ATP1B3: variants seen among roughly 807,000 people sequenced by gnomAD.
ATP1B3 encodes sodium/potassium-transporting ATPase subunit beta-3.
ATP1B3 carries 10 observed loss-of-function variants against 30.2 expected under a neutral mutation model. That is an observed-to-expected ratio of 0.33 (90% confidence interval 0.20 to 0.56). ATP1B3 has a LOEUF of 0.56. ATP1B3 is among the 20% of genes least tolerant of loss of function. ATP1B3 has a pLI of 0.90. For missense variants in ATP1B3, 238 were observed against 336.7 expected, an observed-to-expected ratio of 0.71 and a Z score of 2.29; for synonymous variants, 113 against 117.0, an observed-to-expected ratio of 0.97 and a Z score of 0.22.
At chr3:141,925,221 C>T (rs1056944834) in intron 6 of ATP1B3, among the ~76,000 whole-genome samples, 1 of 152,026 alleles carries the variant, frequency 6.6e-6, no homozygotes, top group South Asian at 2.1e-4. Flanking sequence ...AATCCCAGCA[C>T]TTTGGGAGGG....
chr3:141,878,866 A>G (rs1021688972), intron 1 of ATP1B3, among the ~76,000 whole-genome samples: 7 of 152,194 alleles, frequency 4.6e-5, no homozygotes, highest in African/African-American at 1.7e-4. Context: ...GTATCCCTCT[A>G]AGGATATGTG....
At chr3:141,909,406 A>G (rs1576397603) in intron 3 of ATP1B3, among the ~76,000 whole-genome samples, 1 of 152,310 alleles carries the variant, frequency 6.6e-6, no homozygotes, top group African/African-American at 2.4e-5. Flanking sequence ...GAATTAGAAG[A>G]TAGTACATCC....
chr3:141,919,406 C>T (rs1176451967), intron 5 of ATP1B3, among the ~76,000 whole-genome samples: 4 of 152,050 alleles, frequency 2.6e-5, no homozygotes, highest in Admixed American at 6.6e-5. Flanking sequence ...TGTGAACCAC[C>T]GCAGATGGCC....
rs146684460 is a variant in ATP1B3, at chr3:141,885,880, AACACACACACAC to A, written c.109+9003_109+9014del. Among the ~76,000 whole-genome samples, 632 of 141,738 alleles carry A rather than the reference AACACACACACAC, an allele frequency of 4.5e-3. 7 individuals are homozygous for A. The highest frequency in any genetic ancestry group is 0.038 in the South Asian group (163 of 4,296). 93.0% of individuals were successfully genotyped at this position (141,738 alleles called of 152,430 possible). A position where few individuals can be genotyped will look rare whatever the true frequency, so the allele number is the denominator to read the frequency against. On this transcript the variant is annotated intron_variant, in intron 1 of 6. Transcript: ENST00000286371. ...TTCCAGCTTTTATCTGCTGCGTTAA[AACACACACACAC>A]ACACACACACACACACACACACACA... is the stretch of plus-strand genomic sequence containing the variant.
intron 6 of ATP1B3, 26 bp downstream of exon 6, chr3:141,922,089 G>T (rs765611620): frequency 5.8e-6 from 8 of 1,371,470 alleles, no homozygotes; most frequent in Admixed American, 4.1e-5. Flanking sequence ...TTCTTATGTG[G>T]TGATTACTCT....
intron 5 of ATP1B3, chr3:141,921,774 C>T (rs1056768684): frequency 2.0e-5 from 8 of 401,482 alleles, no homozygotes; most frequent in Non-Finnish European, 3.6e-5. Flanking sequence ...CAGGATAGTT[C>T]ATGTGGAAGG....
intron 1 of ATP1B3, among the ~76,000 whole-genome samples, chr3:141,890,142 G>A (rs1933917740): frequency 7.2e-6 from 1 of 138,510 alleles, no homozygotes; most frequent in Non-Finnish European, 1.5e-5. Context: ...CCTGGCTGGA[G>A]TGCAGTGGCA....
intron 3 of ATP1B3, among the ~76,000 whole-genome samples, chr3:141,912,298 G>A (rs1319127906): frequency 2.0e-5 from 3 of 151,398 alleles, no homozygotes; most frequent in Non-Finnish European, 4.4e-5. Context: ...TATTTGAGAT[G>A]GAGCCTCACT....
intron 4 of ATP1B3, among the ~76,000 whole-genome samples, chr3:141,915,591 C>T (rs950786048): frequency 1.3e-5 from 2 of 152,068 alleles, no homozygotes; most frequent in Non-Finnish European, 2.9e-5. Context: ...TTGTGAAGAA[C>T]AGTTAATTAT....
intron 6 of ATP1B3, among the ~76,000 whole-genome samples, chr3:141,923,557 T>A (rs1045059099): frequency 1.3e-5 from 2 of 152,224 alleles, no homozygotes; most frequent in Non-Finnish European, 2.9e-5. Flanking sequence ...TATTGTGTTA[T>A]AAGCAACAGA....
intron 1 of ATP1B3, among the ~76,000 whole-genome samples, chr3:141,898,717 G>C (rs572161399): frequency 3.6e-4 from 55 of 152,280 alleles, no homozygotes; most frequent in Non-Finnish European, 7.1e-4. Flanking sequence ...ATATGACCTA[G>C]CAGTTTGACT....
chr3:141,887,813 A>ATCAC (rs1364896191), intron 1 of ATP1B3, among the ~76,000 whole-genome samples: 2 of 152,228 alleles, frequency 1.3e-5, no homozygotes, highest in Admixed American at 1.3e-4. Context: ...AGTACATACT[A>ATCAC]TATGGTTTTA....
intron 1 of ATP1B3, among the ~76,000 whole-genome samples, chr3:141,890,077 A>G (rs1160356928): frequency 8.4e-6 from 1 of 118,766 alleles, no homozygotes; most frequent in Admixed American, 9.0e-5. Flanking sequence ...CTGTAATCTA[A>G]TTTTTTTTCT....
chr3:141,877,966 T>G (rs771550820), intron 1 of ATP1B3, among the ~76,000 whole-genome samples: 22 of 152,202 alleles, frequency 1.4e-4, no homozygotes, highest in Non-Finnish European at 5.9e-5. Context: ...TAGAACTATT[T>G]GGGCACAACA....
intron 5 of ATP1B3, chr3:141,916,519 C>G (rs1319921894): frequency 7.8e-7 from 1 of 1,280,800 alleles, no homozygotes; most frequent in South Asian, 1.2e-5. Context: ...TCATAACTTT[C>G]TTTTGTTTTC....
chr3:141,906,327 G>A (rs987533294), intron 2 of ATP1B3, among the ~76,000 whole-genome samples: 29 of 152,094 alleles, frequency 1.9e-4, no homozygotes, highest in African/African-American at 6.3e-4. Context: ...CTACAGGCAT[G>A]CACCACCACA....
At chr3:141,892,673 A>C (rs1043585150) in intron 1 of ATP1B3, among the ~76,000 whole-genome samples, 1 of 151,010 alleles carries the variant, frequency 6.6e-6, no homozygotes, top group African/African-American at 2.4e-5. Flanking sequence ...AAAAAAAAAA[A>C]AAACAGTTAT....
At position 141,915,675 on chromosome 3, in the gene ATP1B3, TTCTG is replaced by T. The variant is rs1196652446; in HGVS notation, c.532-289_532-286del. Among the ~76,000 whole-genome samples the T allele has an allele frequency of 1.1e-4, 16 of 152,354 alleles. No individual in the cohort carries two copies. In the South Asian group the frequency reaches 3.1e-3, roughly 30 times the overall value. On this transcript the variant is annotated intron_variant, in intron 4 of 6. Transcript: ENST00000286371. ...AATATTAATAATTAGATTTAAGGGT[TTCTG>T]TCTGTTTCATATTTTAAGGGTAGCA...
chr3:141,886,562 T>C (rs1933838320), intron 1 of ATP1B3, among the ~76,000 whole-genome samples: 1 of 152,234 alleles, frequency 6.6e-6, no homozygotes, highest in Admixed American at 6.5e-5. Context: ...GGTAGGTTTA[T>C]ATATTTTTAC....
Sources: gnomAD v4.1 joint callset for allele counts (sites outside exome capture counted in the v4.1 genomes callset) on GRCh38, gnomAD v4.1.1 for gene constraint, MANE v1.5 for transcripts, NCBI Gene and HGNC (gene_info 2026-07-23, HGNC 2026-07-21) for gene names.